The following AGBL4 variants were observed in gnomAD, a reference collection of about 807,000 sequenced individuals.
The protein encoded by AGBL4 is cytosolic carboxypeptidase 6.
Under a neutral mutation model 66.4 loss-of-function variants are expected in AGBL4, and 58 were observed. That is an observed-to-expected ratio of 0.87 (90% CI 0.71 to 1.09). The LOEUF (loss-of-function observed/expected upper bound fraction) is 1.09, where lower values mean the gene tolerates loss of function less well. Ranked by LOEUF, AGBL4 falls within the 50% of genes least tolerant of loss-of-function variation. The probability of loss-of-function intolerance (pLI) is 0.00; values close to 1 mark genes in which losing one functional copy is unlikely to be tolerated. For synonymous variants in AGBL4, 234 were observed against 222.9 expected (o/e 1.05, Z -0.44); for missense variants, 579 against 631.0 (o/e 0.92, Z 0.88).
At chr1:49,252,394 G>A (rs1652139791) in intron 3 of AGBL4, among the ~76,000 whole-genome samples, 1 of 152,114 alleles carries the variant, frequency 6.6e-6, no homozygotes, top group Non-Finnish European at 1.5e-5. Context: ...AAACCTCCAA[G>A]AGACATGGGA....
intron 4 of AGBL4, among the ~76,000 whole-genome samples, chr1:49,066,394 T>C (rs1168564279): frequency 6.6e-6 from 1 of 152,084 alleles, no homozygotes; most frequent in Non-Finnish European, 1.5e-5. Context: ...TCTACTAAAA[T>C]ACAAAAAATT....
At chr1:48,971,751 A>G (rs1460907664) in intron 5 of AGBL4, among the ~76,000 whole-genome samples, 1 of 152,178 alleles carries the variant, frequency 6.6e-6, no homozygotes, top group Non-Finnish European at 1.5e-5. Flanking sequence ...CACATTATCA[A>G]TGCCCATGGA....
intron 2 of AGBL4, among the ~76,000 whole-genome samples, chr1:49,756,832 T>C (rs894124127): frequency 6.6e-6 from 1 of 152,140 alleles, no homozygotes; most frequent in South Asian, 2.1e-4. Context: ...TCCCCAGCCA[T>C]GCAGAATTGT....
At chr1:49,258,734 A>C (rs1652796232) in intron 3 of AGBL4, among the ~76,000 whole-genome samples, 1 of 152,236 alleles carries the variant, frequency 6.6e-6, no homozygotes, top group Non-Finnish European at 1.5e-5. Flanking sequence ...AACACTCTGC[A>C]GGATATTATC....
chr1:48,701,913 T>C (rs1646808185), intron 6 of AGBL4, among the ~76,000 whole-genome samples: 1 of 152,244 alleles, frequency 6.6e-6, no homozygotes, highest in South Asian at 2.1e-4. Flanking sequence ...AAAATTACCC[T>C]TCATTGAATG....
At chr1:49,797,063 T>C (rs1329598583) in intron 2 of AGBL4, among the ~76,000 whole-genome samples, 1 of 152,320 alleles carries the variant, frequency 6.6e-6, no homozygotes, top group East Asian at 1.9e-4. Context: ...TTGTTCTTTC[T>C]AAAATTAGAA....
chr1:49,224,789 G>A (rs1269344568), intron 4 of AGBL4, among the ~76,000 whole-genome samples: 1 of 151,980 alleles, frequency 6.6e-6, no homozygotes. Context: ...TACTCTTTAG[G>A]GATTCACAGT....
chr1:48,867,040 T>G (rs1570874097), intron 6 of AGBL4, 151 bp downstream of exon 6: 3 of 862,810 alleles, frequency 3.5e-6, no homozygotes, highest in Non-Finnish European at 3.7e-6. Flanking sequence ...GAGCAGAGGG[T>G]AGGGGAGGAG....
chr1:49,087,343 C>T (rs1644926765), intron 4 of AGBL4, among the ~76,000 whole-genome samples: 1 of 152,016 alleles, frequency 6.6e-6, no homozygotes, highest in African/African-American at 2.4e-5. Flanking sequence ...CTAAGGACTA[C>T]AATAAAATGA....
intron 2 of AGBL4, among the ~76,000 whole-genome samples, chr1:49,826,877 G>GA (rs1340484016): frequency 1.1e-4 from 17 of 152,146 alleles, no homozygotes; most frequent in African/African-American, 7.2e-5. Context: ...TAGTAAAACT[G>GA]AAATTGTAAA....
intron 2 of AGBL4, among the ~76,000 whole-genome samples, chr1:49,759,177 A>G (rs970305299): frequency 2.0e-5 from 3 of 152,152 alleles, no homozygotes; most frequent in African/African-American, 7.2e-5. Context: ...TCTTTTCTTT[A>G]TAAATTACCC....
At chr1:49,019,066 A>G (rs1296224075) in intron 5 of AGBL4, among the ~76,000 whole-genome samples, 1 of 152,132 alleles carries the variant, frequency 6.6e-6, no homozygotes, top group African/African-American at 2.4e-5. Context: ...TCTCTGGCTT[A>G]ACAGAAGGAG....
intron 6 of AGBL4, among the ~76,000 whole-genome samples, chr1:48,770,310 T>C (rs746032686): frequency 9.9e-5 from 15 of 152,182 alleles, no homozygotes; most frequent in Non-Finnish European, 2.1e-4. Flanking sequence ...GTAGCTGCTA[T>C]ATAGTTAAAA....
chr1:49,947,019 C>A (rs1655270006), intron 1 of AGBL4, among the ~76,000 whole-genome samples: 1 of 151,620 alleles, frequency 6.6e-6, no homozygotes, highest in African/African-American at 2.4e-5. Context: ...GAATTAGACA[C>A]CCTGAACAGA....
At chr1:49,062,212 C>A (rs982631093) in intron 4 of AGBL4, among the ~76,000 whole-genome samples, 5 of 152,098 alleles carry the variant, frequency 3.3e-5, no homozygotes, top group African/African-American at 1.2e-4. Flanking sequence ...TTGCTGGTGC[C>A]AAAAAGGCTG....
At chr1:49,060,516 G>A (rs1230329625) in intron 4 of AGBL4, among the ~76,000 whole-genome samples, 1 of 152,162 alleles carries the variant, frequency 6.6e-6, no homozygotes, top group Non-Finnish European at 1.5e-5. Flanking sequence ...CCTAACATGT[G>A]AGGAGCCACT....
intron 3 of AGBL4, among the ~76,000 whole-genome samples, chr1:49,272,164 A>G (rs1024261036): frequency 2.0e-5 from 3 of 152,244 alleles, no homozygotes; most frequent in African/African-American, 4.8e-5. Flanking sequence ...GGAGTAAAAT[A>G]TAAAACTGTT....
At chr1:49,871,208 T>G (rs913616070) in intron 1 of AGBL4, among the ~76,000 whole-genome samples, 1 of 151,968 alleles carries the variant, frequency 6.6e-6, no homozygotes, top group African/African-American at 2.4e-5. Context: ...ATTAACCCAT[T>G]CTTTAATTAA....
chr1:49,807,320 T>C (rs2147961923), intron 2 of AGBL4, among the ~76,000 whole-genome samples: 1 of 152,308 alleles, frequency 6.6e-6, no homozygotes, highest in South Asian at 2.1e-4. Context: ...GCTGCAGAAA[T>C]AGGATCTCTC....
Sources: allele counts gnomAD v4.1 joint callset (sites outside exome capture counted in the v4.1 genomes callset), GRCh38; gene constraint gnomAD v4.1.1; transcripts MANE v1.5; gene names NCBI Gene and HGNC (gene_info 2026-07-23, HGNC 2026-07-21).